The following HSPG2 variants were observed in gnomAD, a reference collection of about 807,000 sequenced individuals.
The protein encoded by HSPG2 is basement membrane-specific heparan sulfate proteoglycan core protein.
HSPG2 carries 278 observed loss-of-function variants against 526.6 expected under a neutral mutation model. The ratio of observed to expected loss-of-function variants is 0.53; its 90% CI spans 0.48 to 0.58. The LOEUF (loss-of-function observed/expected upper bound fraction) is 0.58, where lower values mean the gene tolerates loss of function less well. HSPG2 is among the 20% of genes least tolerant of loss of function. The pLI is 0.00. For missense variants in HSPG2, 5,354 were observed against 6,099.5 expected (o/e 0.88, Z 4.07); for synonymous variants, 2,465 against 2,555.4 (o/e 0.96, Z 1.07).
At position 21,879,062 on chromosome 1, in the gene HSPG2, C is replaced by T; in HGVS notation, c.2403G>A (p.Gly801=). The T allele has an allele frequency of 2.5e-6, 4 of 1,614,222 alleles. No homozygotes were observed. Among genetic ancestry groups the T allele is most frequent in the Non-Finnish European group, 3.4e-6 (4 of 1,180,030 alleles). ...AAGTGGCCGTGGCCTTCATGGCGTCCCCAAAGAAGCCAGCCTTGCACTTGT... is the reference window on the plus strand; with the variant it reads ...AAGTGGCCGTGGCCTTCATGGCGTCTCCAAAGAAGCCAGCCTTGCACTTGT... ...QCNKCKAGFF[G]DAMKATATSC... Residue 801 remains glycine (G), a synonymous_variant, in exon 18 of 97, where the codon GGG becomes GGA. Transcript: ENST00000374695.
In HSPG2 at chr1:21,872,386, G is replaced by T; in HGVS notation, c.4030-9C>A. On this transcript the variant is annotated splice_polypyrimidine_tract_variant and intron_variant, in intron 32 of 96. Coordinates refer to ENST00000374695, the MANE Select transcript of HSPG2 (RefSeq NM_005529.7). This position sits in a 1 kb window ranked among gnomAD's most constrained non-coding sequence, Gnocchi z 5.5. ...GCAAAGTGGGTGGAGATCTGGCAGG[G>T]GAAAAAGGAGGGGGCGTCAGCCTGA... The T allele has an allele frequency of 6.4e-7, 1 of 1,559,134 alleles. No individual in the cohort carries two copies. The highest frequency in any genetic ancestry group is 8.7e-7 in the Non-Finnish European group (1 of 1,150,320).
chr1:21,925,995 A>G (rs1644180586), intron 1 of HSPG2, among the ~76,000 whole-genome samples: 1 of 151,628 alleles, frequency 6.6e-6, no homozygotes, highest in Non-Finnish European at 1.5e-5. Flanking sequence ...ACGCCCGGCT[A>G]ATTTTTGTAT....
At chr1:21,933,529 C>G (rs1644400995) in intron 1 of HSPG2, among the ~76,000 whole-genome samples, 1 of 152,250 alleles carries the variant, frequency 6.6e-6, no homozygotes, top group Admixed American at 6.5e-5. Context: ...GTCTTCCGGG[C>G]CCTGAACCCA....
chr1:21,882,914 A>G (rs1450549236), intron 13 of HSPG2, among the ~76,000 whole-genome samples: 1 of 152,142 alleles, frequency 6.6e-6, no homozygotes, highest in East Asian at 1.9e-4. Flanking sequence ...CACCCGCAGA[A>G]TGACCGAGCA....
At position 21,872,482 on chromosome 1, in the gene HSPG2, T is replaced by C; in HGVS notation, c.4030-105A>G. On this transcript the variant is annotated intron_variant, in intron 32 of 96. Coordinates refer to ENST00000374695, the MANE Select transcript of HSPG2 (RefSeq NM_005529.7). The surrounding 1 kb of genome is among the most constrained non-coding windows in gnomAD (Gnocchi z 5.5). The stretch of plus-strand genomic sequence containing the variant: ...GGTGCGGAATGGGGTCCTGTTGAGA[T>C]CAGGACTGCGAGAGAAATAATGGGG... The C allele has an allele frequency of 7.1e-7, 1 of 1,399,864 alleles. No homozygotes were observed. Among genetic ancestry groups the C allele is most frequent in the Non-Finnish European group, 9.9e-7 (1 of 1,011,704 alleles). 86.7% of individuals were successfully genotyped at this position (1,399,864 alleles called of 1,614,324 possible). A position where few individuals can be genotyped will look rare whatever the true frequency, so the allele number is the denominator to read the frequency against.
chr1:21,896,360 G>A (rs1642749195), intron 1 of HSPG2, 50 bp from the exon 2 acceptor site: 1 of 1,603,262 alleles, frequency 6.2e-7, no homozygotes, highest in Non-Finnish European at 8.5e-7. Flanking sequence ...CTCCCACTGA[G>A]CCCCACGGTC....
chr1:21,845,106 C>T (rs1331851799), intron 64 of HSPG2, among the ~76,000 whole-genome samples: 3 of 152,062 alleles, frequency 2.0e-5, no homozygotes, highest in Non-Finnish European at 4.4e-5. Context: ...ATTAGCTGGG[C>T]GTGGTGGAGC....
chr1:21,913,560 C>T (rs1643780524), intron 1 of HSPG2, among the ~76,000 whole-genome samples: 1 of 152,206 alleles, frequency 6.6e-6, no homozygotes, highest in Non-Finnish European at 1.5e-5. Flanking sequence ...CCCTGCCCAA[C>T]CCCCAGGCCT....
intron 30 of HSPG2, 82 bp from the exon 31 acceptor site, chr1:21,873,173 CG>C: frequency 2.3e-6 from 3 of 1,302,970 alleles, no homozygotes; most frequent in Non-Finnish European, 2.2e-6. Flanking sequence ...CACCACTGAG[CG>C]GGAGCTCTGA....
At position 21,841,804 on chromosome 1, in the gene HSPG2, G is replaced by A. The variant is rs577279533; in HGVS notation, c.9194-131C>T. The A allele has an allele frequency of 2.5e-5, 33 of 1,331,196 alleles. 1 individual carries two copies. The highest frequency in any genetic ancestry group is 2.5e-4 in the Middle Eastern group (1 of 4,002). 82.5% of individuals were successfully genotyped at this position (1,331,196 alleles called of 1,614,324 possible). ...CTGGGTGTGTCTAGCTCATGGAGTCGCAGATAGCAGAAAGTAACAAAGGCC... is the reference window on the plus strand; with the variant it reads ...CTGGGTGTGTCTAGCTCATGGAGTCACAGATAGCAGAAAGTAACAAAGGCC... On this transcript the variant is annotated intron_variant, in intron 69 of 96. Transcript: ENST00000374695.
Position 21,876,387 on chromosome 1 carries a change from C to T in HSPG2, c.2845G>A (p.Glu949Lys). ...TTGGTCAGGCTGAAGTGACCAGGCT[C>T]CTCAGAGGCCCCATGCAACTGGGAG... The part of the protein sequence containing the change: ...SRAQLHGASE[E>K]PGHFSLTNAA... Residue 949 changes from glutamate (E) to lysine (K), a missense_variant, in exon 23 of 97, where the codon GAG becomes AAG. Coordinates refer to ENST00000374695, the MANE Select transcript of HSPG2 (RefSeq NM_005529.7). The T allele has an allele frequency of 6.2e-7, 1 of 1,611,064 alleles. No homozygotes were observed. The highest frequency in any genetic ancestry group is 8.5e-7 in the Non-Finnish European group (1 of 1,178,686).
chr1:21,923,536 C>G (rs4626854), intron 1 of HSPG2, among the ~76,000 whole-genome samples: 29,247 of 152,218 alleles, frequency 0.19, 3,678 homozygotes, highest in East Asian at 0.42. Context: ...GGCCCTCCCC[C>G]TGCCCTCACC....
At chr1:21,873,665 G>C (rs1438764145) in intron 29 of HSPG2, among the ~76,000 whole-genome samples, 1 of 152,180 alleles carries the variant, frequency 6.6e-6, no homozygotes, top group African/African-American at 2.4e-5. Flanking sequence ...GGTTTTGTGG[G>C]AAGACTCTGG....
At chr1:21,826,231 A>C (rs2097973710) in intron 91 of HSPG2, among the ~76,000 whole-genome samples, 3 of 151,914 alleles carry the variant, frequency 2.0e-5, no homozygotes, top group African/African-American at 7.3e-5. Flanking sequence ...CACCACACCC[A>C]GCTAATTCTT....
At position 21,823,356 on chromosome 1, in the gene HSPG2, C is replaced by T. The variant is rs557379530; in HGVS notation, c.13136G>A (p.Arg4379His). ...GCGTGTGTTGGCCCCGGCCTGGGCG[C>T]GGTGCTGCAGGTCCAGGGGCTGTGG... ...PPPQPLDLQH[R>H]AQAGANTRPC... Residue 4379 changes from arginine (R) to histidine (H), a missense_variant, in exon 97 of 97, where the codon CGC becomes CAC. Coordinates refer to ENST00000374695, the MANE Select transcript of HSPG2 (RefSeq NM_005529.7). 5.4e-5 allele frequency: 84 copies of T among 1,544,938 alleles called. 2 individuals carry two copies. The South Asian group carries it at 9.0e-4, about 17-fold the overall frequency.
intron 87 of HSPG2, 125 bp downstream of exon 87, chr1:21,829,258 G>T: frequency 7.4e-7 from 1 of 1,360,382 alleles, no homozygotes; most frequent in Non-Finnish European, 1.0e-6. Context: ...GAGACGAAAT[G>T]CACAGGAAGA....
At chr1:21,902,611 G>A (rs2152779349) in intron 1 of HSPG2, among the ~76,000 whole-genome samples, 1 of 152,326 alleles carries the variant, frequency 6.6e-6, no homozygotes, top group Admixed American at 6.5e-5. Flanking sequence ...TCTGTATTTG[G>A]CTAGCTCAGA....
At position 21,879,631 on chromosome 1, in the gene HSPG2, C is replaced by T. The variant is rs981839822; in HGVS notation, c.2343+476G>A. On this transcript the variant is annotated intron_variant, in intron 17 of 96. Coordinates refer to ENST00000374695, the MANE Select transcript of HSPG2 (RefSeq NM_005529.7). ...GGTGGAGAGGAGGGCCAACACCTCC[C>T]TTGTCTGGATGCTGTATCTCTGGGT... Among the ~76,000 whole-genome samples, 6 of 149,216 alleles carry T rather than the reference C, an allele frequency of 4.0e-5. No individual in the cohort carries two copies. In the Admixed American group the frequency reaches 4.1e-4, roughly 10 times the overall value.
rs1405146913 is a variant in HSPG2 at position 21,854,329 on chromosome 1, A to G, written c.6303T>C (p.Arg2101=). The change falls in exon 50 of 97, where the codon CGT becomes CGC. Residue 2101 remains arginine (R), a synonymous_variant. Coordinates refer to ENST00000374695, the MANE Select transcript of HSPG2 (RefSeq NM_005529.7). ...CTGGTGAGACCTGGGGGAGCCGCAG[A>G]CGGGAGCCGTGCACCTGGGCCAGGA... is the stretch of plus-strand genomic sequence containing the variant. The part of the protein sequence containing the change: ...LPPHTQVHGS[R]LRLPQVSPAD... 1 of 1,570,678 alleles carries G rather than the reference A, an allele frequency of 6.4e-7. No homozygotes were observed. Among genetic ancestry groups the G allele is most frequent in the South Asian group, 1.2e-5 (1 of 85,474 alleles).
Sources: allele counts gnomAD v4.1 joint callset (sites outside exome capture counted in the v4.1 genomes callset), GRCh38; gene constraint gnomAD v4.1.1; non-coding constraint Gnocchi (gnomAD v3.1); transcripts MANE v1.5; gene names NCBI Gene and HGNC (gene_info 2026-07-23, HGNC 2026-07-21).